The following BTBD2 variants were observed in gnomAD, a reference collection of about 807,000 sequenced individuals.
The protein encoded by BTBD2 is BTB/POZ domain-containing protein 2.
BTBD2 carries 15 observed loss-of-function variants against 44.0 expected under a neutral mutation model. The observed-to-expected ratio is 0.34, with a 90% CI of 0.23 to 0.53. BTBD2 has a LOEUF of 0.53. Among genes scored for constraint, BTBD2 ranks in the 20% least tolerant of loss-of-function variants. BTBD2 has a pLI of 0.95. For synonymous variants in BTBD2, 443 were observed against 335.9 expected, an observed-to-expected ratio of 1.32 and a Z score of -3.49; for missense variants, 657 against 746.4, an observed-to-expected ratio of 0.88 and a Z score of 1.39.
chr19:1,989,705 C>A (rs958456042), intron 5 of BTBD2: 61 of 437,956 alleles, frequency 1.4e-4, no homozygotes, highest in African/African-American at 1.2e-3. Context: ...CCTGCACCAG[C>A]AGGTAGCACA....
intron 1 of BTBD2, among the ~76,000 whole-genome samples, chr19:2,006,856 TTTTTTTA>T (rs992963194): frequency 1.8e-4 from 27 of 151,864 alleles, no homozygotes; most frequent in Admixed American, 1.4e-3. Context: ...GCCCAGCTAA[TTTTTTTA>T]TTTTTTATTT....
chr19:1,987,158 G>T lies in BTBD2; in HGVS notation c.1269+8C>A. 4 of 1,613,304 alleles carry T rather than the reference G, an allele frequency of 2.5e-6. No individual in the cohort carries two copies. Among genetic ancestry groups the T allele is most frequent in the Non-Finnish European group, 3.4e-6 (4 of 1,179,352 alleles). ...GTGGGGCCTGGGGATGAGGCTTGGG[G>T]CTGGTACCTGGATGTTCACTTGGTA... On this transcript the variant is annotated splice_region_variant and intron_variant, in intron 7 of 8. Coordinates refer to ENST00000255608, the MANE Select transcript of BTBD2 (RefSeq NM_017797.4).
rs750809982 is a variant in BTBD2 at position 1,990,872 on chromosome 19, C to T, written c.685-50G>A. 20 of 1,479,142 alleles carry T rather than the reference C, an allele frequency of 1.4e-5. No individual in the cohort carries two copies. The Admixed American group carries it at 3.5e-4, about 26-fold the overall frequency. 91.6% of individuals were successfully genotyped at this position (1,479,142 alleles called of 1,614,324 possible). A position where few individuals can be genotyped will look rare whatever the true frequency, so the allele number is the denominator to read the frequency against. On this transcript the variant is annotated intron_variant, in intron 3 of 8. Transcript: ENST00000255608. ...CGCGGTGGGGACATCAGCACCCAGC[C>T]CTCGGCAGATCCCCAGTGCGGGGCC...
chr19:2,008,668 T>C (rs1348263825), intron 1 of BTBD2, among the ~76,000 whole-genome samples: 1 of 148,080 alleles, frequency 6.8e-6, no homozygotes, highest in Non-Finnish European at 1.5e-5. Context: ...CATGGCTCAC[T>C]GCAGCGGCAA....
Position 1,993,158 on chromosome 19 carries a change from C to G in BTBD2, c.546G>C (p.Glu182Asp), listed in dbSNP as rs766445889. 3.1e-6 allele frequency: 5 copies of G among 1,603,318 alleles called. No homozygotes were observed. Among genetic ancestry groups the G allele is most frequent in the Non-Finnish European group, 4.2e-6 (5 of 1,179,402 alleles). The change falls in exon 3 of 9, where the codon GAG (glutamate) becomes GAC (aspartate). Residue 182 changes from glutamate (E) to aspartate (D), a missense_variant. Coordinates refer to ENST00000255608, the MANE Select transcript of BTBD2 (RefSeq NM_017797.4). Reference sequence around the variant, plus strand: ...TCACCGTCTCCGGGCCAATCTGCACCTCGTCCGAGTAGAGAAACCTGCAGA... The same window carrying G: ...TCACCGTCTCCGGGCCAATCTGCACGTCGTCCGAGTAGAGAAACCTGCAGA... The part of the protein sequence containing the change: ...LALLKFLYSD[E>D]VQIGPETVMT...
chr19:1,986,457 C>A lies in BTBD2; in HGVS notation c.*31G>T, dbSNP rs772386432. 7.5e-6 allele frequency: 12 copies of A among 1,608,646 alleles called. No individual in the cohort carries two copies. In the South Asian group the frequency reaches 1.1e-4, roughly 15 times the overall value. Reference sequence around the variant, plus strand: ...TGGCCTGGGGCTGCGGCTATCCCCACGGAGGGAGGGCGGTGTCGGTGTCGG... The same window carrying A: ...TGGCCTGGGGCTGCGGCTATCCCCAAGGAGGGAGGGCGGTGTCGGTGTCGG... On this transcript the variant is annotated 3_prime_UTR_variant, in exon 9 of 9. Coordinates refer to ENST00000255608, the MANE Select transcript of BTBD2 (RefSeq NM_017797.4).
At chr19:1,996,291 T>C (rs1360815434) in intron 2 of BTBD2, among the ~76,000 whole-genome samples, 2 of 152,126 alleles carry the variant, frequency 1.3e-5, no homozygotes, top group African/African-American at 2.4e-5. Flanking sequence ...TCAGGGTCCC[T>C]TGGGATTCCA....
chr19:2,004,826 T>A (rs530637435), intron 1 of BTBD2, among the ~76,000 whole-genome samples: 2,073 of 149,468 alleles, frequency 0.014, 21 homozygotes, highest in Non-Finnish European at 0.017. Context: ...AAAAAAAAAA[T>A]TATTATTTTT....
At chr19:2,000,124 C>T (rs1402543408) in intron 1 of BTBD2, among the ~76,000 whole-genome samples, 3 of 152,158 alleles carry the variant, frequency 2.0e-5, no homozygotes, top group East Asian at 1.9e-4. Flanking sequence ...GAGGGAGCGC[C>T]GCCCTCGGAC....
In BTBD2 at chr19:2,013,415, A is replaced by T. The variant is rs114546223; in HGVS notation, c.407+1882T>A. The T allele has an allele frequency of 2.0e-3, 1,424 of 728,828 alleles. 15 individuals are homozygous for T. In the African/African-American group the frequency reaches 0.026, roughly 13 times the overall value. 45.1% of individuals were successfully genotyped at this position (728,828 alleles called of 1,614,324 possible). A position where few individuals can be genotyped will look rare whatever the true frequency, so the allele number is the denominator to read the frequency against. ...AGGGCTGGGGGCTGGGGAGGGAGGG[A>T]CCCCGGAGCTGGGGGTCTCTGGGTT... On this transcript the variant is annotated intron_variant, in intron 1 of 8. Coordinates refer to ENST00000255608, the MANE Select transcript of BTBD2 (RefSeq NM_017797.4).
At chr19:2,004,672 A>G (rs954529673) in intron 1 of BTBD2, among the ~76,000 whole-genome samples, 3 of 139,134 alleles carry the variant, frequency 2.2e-5, no homozygotes, top group Non-Finnish European at 4.7e-5. Context: ...CTTCATATAT[A>G]CCCCCTGAGT....
Position 1,986,906 on chromosome 19 carries a change from C to G in BTBD2, c.1340G>C (p.Ser447Thr), listed in dbSNP as rs775651816. The G allele has an allele frequency of 1.2e-6, 2 of 1,613,102 alleles. No homozygotes were observed. The highest frequency in any genetic ancestry group is 2.7e-5 in the African/African-American group (2 of 74,930). The change falls in exon 8 of 9, where the codon AGC becomes ACC. Residue 447 changes from serine (S) to threonine (T), a missense_variant. By Grantham distance (58) the Ser-to-Thr change is moderately conservative. This residue lies in a region of BTBD2 where 449 missense variants were observed against 510.9 expected (regional missense o/e 0.88). Transcript: ENST00000255608. ...CTCCTTGAACATGACGCGGAAGGTG[C>G]TGGCTGAGCCGTCGCAGCTGAAGCC... ...DTGFSCDGSA[S>T]TFRVMFKEPV...
At chr19:2,003,829 C>T (rs1182291134) in intron 1 of BTBD2, among the ~76,000 whole-genome samples, 3 of 151,090 alleles carry the variant, frequency 2.0e-5, no homozygotes, top group Admixed American at 6.6e-5. Context: ...TCTCTGGACC[C>T]CAAAATCACT....
At chr19:2,005,238 C>A (rs1394145271) in intron 1 of BTBD2, among the ~76,000 whole-genome samples, 1 of 152,182 alleles carries the variant, frequency 6.6e-6, no homozygotes, top group Non-Finnish European at 1.5e-5. Context: ...CTGCTCTGGG[C>A]ATTCACGCAC....
chr19:2,003,968 C>G (rs577601102), intron 1 of BTBD2, among the ~76,000 whole-genome samples: 1 of 151,926 alleles, frequency 6.6e-6, no homozygotes, highest in Non-Finnish European at 1.5e-5. Flanking sequence ...AAGGAAATTC[C>G]TTGCAGACAA....
At chr19:2,014,792 C>A in intron 1 of BTBD2, 1 of 153,600 alleles carries the variant, frequency 6.5e-6, no homozygotes, top group South Asian at 1.5e-4. Flanking sequence ...GGTCCAGGGA[C>A]GGAGGAGAGC....
At chr19:1,991,243 G>A (rs1208774013) in intron 3 of BTBD2, 1 of 173,950 alleles carries the variant, frequency 5.7e-6, no homozygotes, top group Non-Finnish European at 1.2e-5. Context: ...CACTTGTGGT[G>A]GGAGGGGCCG....
At chr19:2,012,662 C>T (rs1001146848) in intron 1 of BTBD2, among the ~76,000 whole-genome samples, 1 of 152,184 alleles carries the variant, frequency 6.6e-6, no homozygotes, top group Non-Finnish European at 1.5e-5. Flanking sequence ...CTGTCCCAGG[C>T]CCGCCCACCT....
rs115400228 is a variant in BTBD2 at position 1,986,168 on chromosome 19, G to A, written c.*320C>T. Reference sequence around the variant, plus strand: ...CGCCCGCGGCGCACCGCCGGCAGACGACGTGGGCAGGCGCCCTGAGCTGCG... The same window carrying A: ...CGCCCGCGGCGCACCGCCGGCAGACAACGTGGGCAGGCGCCCTGAGCTGCG... On this transcript the variant is annotated 3_prime_UTR_variant, in exon 9 of 9. Transcript: ENST00000255608. The A allele has an allele frequency of 4.0e-3, 1,435 of 359,276 alleles. 14 individuals carry two copies. The highest frequency in any genetic ancestry group is 0.028 in the African/African-American group (1,358 of 48,200). 22.3% of individuals were successfully genotyped at this position (359,276 alleles called of 1,614,324 possible). A position where few individuals can be genotyped will look rare whatever the true frequency, so the allele number is the denominator to read the frequency against.
Sources: gnomAD v4.1 joint callset for allele counts (sites outside exome capture counted in the v4.1 genomes callset) on GRCh38, gnomAD v4.1.1 for gene constraint, gnomAD v4.1.1 regional missense constraint, MANE v1.5 for transcripts, NCBI Gene and HGNC (gene_info 2026-07-23, HGNC 2026-07-21) for gene names.